The following SNX25 variants were observed in gnomAD, a reference collection of about 807,000 sequenced individuals.
SNX25 encodes the protein sorting nexin-25.
In SNX25, 62 loss-of-function variants were observed where a neutral mutation model predicts 113.7. The observed-to-expected ratio is 0.55, with a 90% CI of 0.44 to 0.67. SNX25 has a LOEUF of 0.67. Ranked by LOEUF, SNX25 falls within the 30% of genes least tolerant of loss-of-function variation. SNX25 has a pLI of 0.00. For synonymous variants in SNX25, 421 were observed against 436.2 expected (o/e 0.97, Z 0.43); for missense variants, 1,014 against 1,161.0 (o/e 0.87, Z 1.84).
intron 15 of SNX25, among the ~76,000 whole-genome samples, chr4:185,354,523 G>T (rs1238867145): frequency 2.0e-5 from 3 of 152,188 alleles, no homozygotes; most frequent in African/African-American, 7.2e-5. Flanking sequence ...CAGCCCCGCG[G>T]CAGAGTTGTC....
intron 1 of SNX25, among the ~76,000 whole-genome samples, chr4:185,228,549 T>C (rs554329407): frequency 6.6e-6 from 1 of 152,072 alleles, no homozygotes; most frequent in Non-Finnish European, 1.5e-5. Context: ...TTTATTTTAT[T>C]TTTTTTAGAC....
At chr4:185,212,549 T>C (rs1738116350) in intron 1 of SNX25, among the ~76,000 whole-genome samples, 1 of 141,284 alleles carries the variant, frequency 7.1e-6, no homozygotes, top group Non-Finnish European at 1.5e-5. Context: ...CCACCACGCC[T>C]GGCTAAGTTT....
chr4:185,324,004 G>T (rs968356441), intron 9 of SNX25, among the ~76,000 whole-genome samples: 2 of 152,188 alleles, frequency 1.3e-5, no homozygotes, highest in Non-Finnish European at 2.9e-5. Flanking sequence ...GTCTCTGGTT[G>T]TATGTATTTC....
chr4:185,293,744 G>C (rs1752490452), intron 6 of SNX25, among the ~76,000 whole-genome samples: 1 of 151,922 alleles, frequency 6.6e-6, no homozygotes. Context: ...TTTACATTAT[G>C]GTTATGGTCT....
At chr4:185,370,416 T>C (rs1414385584), downstream of SNX25, among the ~76,000 whole-genome samples, 1 of 152,088 alleles carries the variant, frequency 6.6e-6, no homozygotes, top group Non-Finnish European at 1.5e-5. Context: ...AAAGAGTAAT[T>C]TGCATCAAAA....
chr4:185,241,792 A>G (rs1005730704), intron 1 of SNX25, among the ~76,000 whole-genome samples: 4 of 152,154 alleles, frequency 2.6e-5, no homozygotes, highest in African/African-American at 9.6e-5. Flanking sequence ...CTTTCCTAAA[A>G]CAGGCATTTT....
intron 2 of SNX25, among the ~76,000 whole-genome samples, chr4:185,257,207 C>T (rs944592964): frequency 7.9e-6 from 1 of 127,234 alleles, no homozygotes; most frequent in South Asian, 2.7e-4. Flanking sequence ...CTCTGAGAAA[C>T]AAGAAGTGAT....
At chr4:185,299,262 G>T (rs905858541) in intron 6 of SNX25, among the ~76,000 whole-genome samples, 1 of 152,188 alleles carries the variant, frequency 6.6e-6, no homozygotes. Flanking sequence ...CCTTGTGCAC[G>T]TAGGTAGGTC....
intron 1 of SNX25, among the ~76,000 whole-genome samples, chr4:185,234,733 G>T (rs1364655397): frequency 6.6e-6 from 1 of 151,250 alleles, no homozygotes; most frequent in African/African-American, 2.4e-5. Context: ...AACCATAATA[G>T]TAACCTGTAT....
intron 2 of SNX25, among the ~76,000 whole-genome samples, chr4:185,257,443 A>G (rs1746622189): frequency 6.6e-6 from 1 of 152,150 alleles, no homozygotes; most frequent in African/African-American, 2.4e-5. Flanking sequence ...GAGCACCCCA[A>G]ATGTGGCTAG....
chr4:185,352,226 G>T (rs1162174054), intron 14 of SNX25, among the ~76,000 whole-genome samples: 1 of 152,184 alleles, frequency 6.6e-6, no homozygotes, highest in Non-Finnish European at 1.5e-5. Context: ...GTGCACTCCT[G>T]TTCACACCAC....
At chr4:185,212,493 T>TG (rs1560890049) in intron 1 of SNX25, among the ~76,000 whole-genome samples, 50 of 77,102 alleles carry the variant, frequency 6.5e-4, no homozygotes, top group Middle Eastern at 0.012. Flanking sequence ...GTGTGTGTGT[T>TG]TTTTTTTTTT....
chr4:185,220,945 C>T (rs1449651700), intron 1 of SNX25, among the ~76,000 whole-genome samples: 1 of 152,156 alleles, frequency 6.6e-6, no homozygotes, highest in African/African-American at 2.4e-5. Context: ...CTCACCGCAG[C>T]ATCAGCCTCC....
At chr4:185,376,442 A>G in the SNX25 span, among the ~76,000 whole-genome samples, 3 of 110,418 alleles carry the variant, frequency 2.7e-5, no homozygotes, top group Admixed American at 9.1e-5. Flanking sequence ...ATGCCCAGCT[A>G]CTTTTTTTTT....
downstream of SNX25, chr4:185,374,147 C>G: frequency 6.2e-7 from 1 of 1,613,950 alleles, no homozygotes; most frequent in African/African-American, 1.3e-5. Context: ...TTTCTAACTC[C>G]TTGGGCTCCT....
intron 1 of SNX25, among the ~76,000 whole-genome samples, chr4:185,227,446 C>T (rs1456201592): frequency 2.0e-5 from 3 of 152,148 alleles, no homozygotes; most frequent in Non-Finnish European, 4.4e-5. Context: ...TTGCTGTTCC[C>T]GAGTTTACCA....
At chr4:185,347,018 C>T (rs76590188) in intron 13 of SNX25, among the ~76,000 whole-genome samples, 178 of 152,220 alleles carry the variant, frequency 1.2e-3, no homozygotes, top group Middle Eastern at 3.4e-3. Context: ...TAAATGGAAC[C>T]GTATAGTGTG....
chr4:185,321,863 C>T (rs1003744616), intron 8 of SNX25, among the ~76,000 whole-genome samples: 5 of 152,052 alleles, frequency 3.3e-5, no homozygotes, highest in African/African-American at 7.2e-5. Flanking sequence ...CAGCCATTTA[C>T]GGAGCATTTA....
intron 1 of SNX25, among the ~76,000 whole-genome samples, chr4:185,235,629 C>T (rs569838344): frequency 7.2e-5 from 11 of 152,360 alleles, no homozygotes; most frequent in African/African-American, 2.6e-4. Flanking sequence ...CAGTGGCTCA[C>T]AACTATCATC....
Sources: allele counts gnomAD v4.1 joint callset (sites outside exome capture counted in the v4.1 genomes callset), GRCh38; gene constraint gnomAD v4.1.1; transcripts MANE v1.5; gene names NCBI Gene and HGNC (gene_info 2026-07-23, HGNC 2026-07-21).